The following COL19A1 variants were observed in gnomAD, a reference collection of about 807,000 sequenced individuals.
COL19A1 encodes collagen alpha-1(XIX) chain.
A neutral mutation model predicts 190.2 loss-of-function variants in COL19A1; 159 were observed. That is an observed-to-expected ratio of 0.84 (90% confidence interval 0.73 to 0.95). The LOEUF is 0.95. Ranked by LOEUF, COL19A1 falls within the 40% of genes least tolerant of loss-of-function variation. The pLI, the probability that COL19A1 is intolerant of heterozygous loss-of-function variation, is 0.00. For synonymous variants in COL19A1, 509 were observed against 458.9 expected (o/e 1.11, Z -1.39); for missense variants, 1,418 against 1,431.9 (o/e 0.99, Z 0.16).
chr6:70,010,731 T>A (rs1204956288), intron 11 of COL19A1, among the ~76,000 whole-genome samples: 2 of 133,556 alleles, frequency 1.5e-5, no homozygotes, highest in Non-Finnish European at 3.1e-5. Flanking sequence ...TCTCGCTGAT[T>A]GCTAGCACAG....
chr6:70,010,019 G>C (rs1777890973), intron 11 of COL19A1, among the ~76,000 whole-genome samples: 1 of 152,084 alleles, frequency 6.6e-6, no homozygotes, highest in South Asian at 2.1e-4. Flanking sequence ...TAAATACTTT[G>C]TGACTTTAGG....
chr6:70,190,877 A>G (rs977987283), intron 48 of COL19A1, among the ~76,000 whole-genome samples: 9 of 152,234 alleles, frequency 5.9e-5, no homozygotes, highest in African/African-American at 2.2e-4. Context: ...ACAGCCTACA[A>G]ACTGAGAATG....
intron 11 of COL19A1, among the ~76,000 whole-genome samples, chr6:70,004,173 T>C (rs2150087239): frequency 6.6e-6 from 1 of 152,328 alleles, no homozygotes; most frequent in South Asian, 2.1e-4. Flanking sequence ...TGAAAATCCT[T>C]TCTTTTAAGA....
intron 15 of COL19A1, among the ~76,000 whole-genome samples, chr6:70,094,444 T>C (rs2150179206): frequency 6.6e-6 from 1 of 152,286 alleles, no homozygotes; most frequent in East Asian, 1.9e-4. Context: ...AGAAGTCAGC[T>C]GAATTACCGT....
At chr6:70,059,228 A>G (rs769666411) in intron 14 of COL19A1, among the ~76,000 whole-genome samples, 9 of 152,160 alleles carry the variant, frequency 5.9e-5, no homozygotes, top group South Asian at 2.1e-4. Flanking sequence ...TGAAGTGGGT[A>G]TTAGGTATCA....
intron 30 of COL19A1, among the ~76,000 whole-genome samples, chr6:70,150,353 T>C (rs1293459225): frequency 6.6e-6 from 1 of 152,160 alleles, no homozygotes; most frequent in African/African-American, 2.4e-5. Context: ...GATTTCTATT[T>C]TTTCTAATGC....
intron 16 of COL19A1, among the ~76,000 whole-genome samples, chr6:70,110,624 A>T (rs920657323): frequency 2.0e-5 from 3 of 152,122 alleles, no homozygotes; most frequent in African/African-American, 4.8e-5. Flanking sequence ...GAATACATAG[A>T]CATGCATGTG....
intron 1 of COL19A1, among the ~76,000 whole-genome samples, chr6:69,871,689 A>C (rs1204417555): frequency 6.6e-6 from 1 of 152,166 alleles, no homozygotes; most frequent in Non-Finnish European, 1.5e-5. Context: ...TACAATGAAC[A>C]CTTTAAATTG....
intron 12 of COL19A1, among the ~76,000 whole-genome samples, chr6:70,024,430 G>A (rs1309171461): frequency 6.6e-6 from 1 of 152,126 alleles, no homozygotes; most frequent in Non-Finnish European, 1.5e-5. Context: ...GACCTGAAGG[G>A]CCACATGACT....
At chr6:69,928,104 T>C in intron 5 of COL19A1, 72 bp downstream of exon 5, 1 of 1,565,290 alleles carries the variant, frequency 6.4e-7, no homozygotes, top group Non-Finnish European at 8.7e-7. Context: ...TTTGAACTGG[T>C]GCACAAATTT....
chr6:70,059,448 T>C (rs958595455), intron 14 of COL19A1, among the ~76,000 whole-genome samples: 1 of 152,184 alleles, frequency 6.6e-6, no homozygotes, highest in Non-Finnish European at 1.5e-5. Context: ...ACTTCTGTTC[T>C]GAACCAGTTA....
chr6:70,031,968 A>G (rs1332949895), intron 12 of COL19A1, among the ~76,000 whole-genome samples: 1 of 152,192 alleles, frequency 6.6e-6, no homozygotes, highest in Non-Finnish European at 1.5e-5. Flanking sequence ...TAAGGAAGAC[A>G]TTTTATTCCA....
At chr6:69,993,584 C>G (rs1011227008) in intron 11 of COL19A1, among the ~76,000 whole-genome samples, 1 of 151,982 alleles carries the variant, frequency 6.6e-6, no homozygotes, top group South Asian at 2.1e-4. Flanking sequence ...TCTACCTGGC[C>G]CAGGGCTTTT....
intron 16 of COL19A1, among the ~76,000 whole-genome samples, chr6:70,110,808 A>G (rs1388891451): frequency 6.6e-6 from 1 of 152,128 alleles, no homozygotes; most frequent in African/African-American, 2.4e-5. Flanking sequence ...AAAATATTAT[A>G]TTTGTACAGC....
At position 70,176,464 on chromosome 6, in the gene COL19A1, A is replaced by G. The variant is rs1344693526; in HGVS notation, c.2623-56A>G. The G allele has an allele frequency of 9.0e-6, 14 of 1,553,990 alleles. No individual in the cohort carries two copies. The East Asian group carries it at 1.6e-4, about 18-fold the overall frequency. On this transcript the variant is annotated intron_variant, in intron 41 of 50. Coordinates refer to ENST00000620364, the MANE Select transcript of COL19A1 (RefSeq NM_001858.6). ...AAATTATTATTTGAGAATTAATTTC[A>G]TAACTAAAGACTTCATTGATGTCAT...
At chr6:69,915,280 C>A (rs1771215573) in intron 4 of COL19A1, among the ~76,000 whole-genome samples, 1 of 152,228 alleles carries the variant, frequency 6.6e-6, no homozygotes, top group Non-Finnish European at 1.5e-5. Context: ...AGAACAAATG[C>A]AACCTACTGT....
At chr6:69,934,889 A>T (rs186767894) in intron 7 of COL19A1, among the ~76,000 whole-genome samples, 1 of 152,118 alleles carries the variant, frequency 6.6e-6, no homozygotes, top group East Asian at 1.9e-4. Context: ...TCCAATACGA[A>T]TTGTATTTAT....
At chr6:70,199,973 G>T in intron 49 of COL19A1, 1 of 393,942 alleles carries the variant, frequency 2.5e-6, no homozygotes. Flanking sequence ...GAGTTACCTG[G>T]TATTCTAAAT....
At chr6:69,960,125 T>G in intron 10 of COL19A1, 85 bp downstream of exon 10, 2 of 1,320,944 alleles carry the variant, frequency 1.5e-6, no homozygotes, top group Non-Finnish European at 1.1e-6. Flanking sequence ...GAAATTGTAT[T>G]TGATTAAGCT....
Sources: allele counts gnomAD v4.1 joint callset (sites outside exome capture counted in the v4.1 genomes callset), GRCh38; gene constraint gnomAD v4.1.1; transcripts MANE v1.5; gene names NCBI Gene and HGNC (gene_info 2026-07-23, HGNC 2026-07-21).